The following ARFGEF3 variants were observed in gnomAD, a reference collection of about 807,000 sequenced individuals.
The protein encoded by ARFGEF3 is ARFGEF family member 3.
Under a neutral mutation model 221.7 loss-of-function variants are expected in ARFGEF3, and 96 were observed. That is an observed-to-expected ratio of 0.43 (90% CI 0.37 to 0.51). The LOEUF is 0.51. ARFGEF3 is among the 20% of genes least tolerant of loss of function. The pLI is 0.00. For synonymous variants in ARFGEF3, 1,145 were observed against 1,126.8 expected, an observed-to-expected ratio of 1.02 and a Z score of -0.32; for missense variants, 2,410 against 2,789.9, an observed-to-expected ratio of 0.86 and a Z score of 3.07.
In ARFGEF3 at chr6:138,321,132, T is replaced by C. The variant is rs1437185292; in HGVS notation, c.4673T>C (p.Ile1558Thr). ...LHSDIRYESM[I>T]NTMLKDLFEL... ...ATAGATATCAGGTACGAGAGCATGA[T>C]CAATACCATGCTGAAGGACCTCTTT... The change falls in exon 29 of 34, where the codon ATC (isoleucine) becomes ACC (threonine). Residue 1558 changes from isoleucine to threonine, a missense_variant. By Grantham distance (89) the Ile-to-Thr change is moderately conservative. Around this residue, in one of 5 missense-constraint regions of ARFGEF3, gnomAD observed 723 missense variants for 991.9 expected, o/e 0.73. Transcript: ENST00000251691. 6.4e-7 allele frequency: 1 copy of C among 1,560,664 alleles called. No individual in the cohort carries two copies. Among genetic ancestry groups the C allele is most frequent in the Admixed American group, 1.9e-5 (1 of 52,426 alleles).
intron 32 of ARFGEF3, among the ~76,000 whole-genome samples, chr6:138,330,009 GT>G (rs1223134220): frequency 6.6e-6 from 1 of 152,222 alleles, no homozygotes; most frequent in African/African-American, 2.4e-5. Flanking sequence ...AGGAGTGGGG[GT>G]CACAAGGTGC....
chr6:138,329,770 C>A (rs545270404), intron 32 of ARFGEF3, among the ~76,000 whole-genome samples: 1 of 152,232 alleles, frequency 6.6e-6, no homozygotes, highest in Non-Finnish European at 1.5e-5. Context: ...TGTGTCCCCC[C>A]ACATTGATGT....
Position 138,291,836 on chromosome 6 carries a change from G to A in ARFGEF3, c.3151G>A (p.Gly1051Ser), listed in dbSNP as rs199822410. The A allele has an allele frequency of 2.7e-6, 4 of 1,497,670 alleles. No individual in the cohort carries two copies. The highest frequency in any genetic ancestry group is 2.7e-5 in the East Asian group (1 of 37,732). The allele number at this position is 1,497,670 out of a possible 1,614,324, so 92.8% of individuals were successfully genotyped here. A position where few individuals can be genotyped will look rare whatever the true frequency, so the allele number is the denominator to read the frequency against. Residue 1051 changes from glycine (G) to serine (S), a missense_variant, in exon 19 of 34, where the codon GGC (glycine) becomes AGC (serine). By Grantham distance (56) the Gly-to-Ser change is moderately conservative (BLOSUM62 0). Coordinates refer to ENST00000251691, the MANE Select transcript of ARFGEF3 (RefSeq NM_020340.5). This position sits in a 1 kb window ranked among gnomAD's most constrained non-coding sequence, Gnocchi z 4.5. ...SQPQKATGSA[G>S]LLGDPECEGS... Reference sequence around the variant, plus strand: ...GCCCCAGAAGGCCACTGGAAGCGCTGGCCTCCTTGGGGACCCCGAGTGTGA... The same window carrying A: ...GCCCCAGAAGGCCACTGGAAGCGCTAGCCTCCTTGGGGACCCCGAGTGTGA...
chr6:138,255,317 A>C lies in ARFGEF3; in HGVS notation c.771-119A>C. ...CTTAGAAAACAGGCAAAATGTAGCC[A>C]AAAGAAGAAGAAGTAAAGAGCCGCA... On this transcript the variant is annotated intron_variant, in intron 9 of 33. Transcript: ENST00000251691. 4.4e-6 allele frequency: 3 copies of C among 676,646 alleles called. No homozygotes were observed. In the East Asian group the frequency reaches 8.3e-5, roughly 19 times the overall value. 41.9% of individuals were successfully genotyped at this position (676,646 alleles called of 1,614,324 possible). A position where few individuals can be genotyped will look rare whatever the true frequency, so the allele number is the denominator to read the frequency against.
intron 4 of ARFGEF3, among the ~76,000 whole-genome samples, chr6:138,226,144 A>G (rs1408122521): frequency 6.6e-6 from 1 of 152,190 alleles, no homozygotes; most frequent in Non-Finnish European, 1.5e-5. Context: ...GATCATGACC[A>G]GGACATGTCC....
At chr6:138,265,800 CTCTTT>C (rs1778881679) in intron 12 of ARFGEF3, among the ~76,000 whole-genome samples, 1 of 152,110 alleles carries the variant, frequency 6.6e-6, no homozygotes, top group Non-Finnish European at 1.5e-5. Flanking sequence ...CGGTCTCTCT[CTCTTT>C]TATTTTGTAA....
intron 17 of ARFGEF3, among the ~76,000 whole-genome samples, chr6:138,287,947 C>G (rs1034779498): frequency 1.3e-5 from 2 of 151,996 alleles, no homozygotes; most frequent in Admixed American, 6.6e-5. Context: ...TCACAGATCC[C>G]CAGCGTTAAC....
At chr6:138,210,163 G>T in intron 4 of ARFGEF3, 122 bp downstream of exon 4, 1 of 947,258 alleles carries the variant, frequency 1.1e-6, no homozygotes, top group African/African-American at 1.6e-5. Context: ...ATTTGGAACG[G>T]ATGCTTGTTA....
chr6:138,250,696 C>T (rs1009858665), intron 8 of ARFGEF3, among the ~76,000 whole-genome samples: 6 of 152,218 alleles, frequency 3.9e-5, no homozygotes, highest in South Asian at 2.1e-4. Flanking sequence ...TCACGGCCTG[C>T]GGGTCCACGC....
chr6:138,252,749 C>T (rs1443230269), intron 8 of ARFGEF3, among the ~76,000 whole-genome samples: 1 of 152,144 alleles, frequency 6.6e-6, no homozygotes, highest in Non-Finnish European at 1.5e-5. Flanking sequence ...TTTCCTTTTT[C>T]TGAGTATTCC....
chr6:138,171,689 T>C (rs1046377782), intron 2 of ARFGEF3, among the ~76,000 whole-genome samples: 5 of 152,190 alleles, frequency 3.3e-5, no homozygotes, highest in African/African-American at 1.2e-4. Flanking sequence ...ATAGATTTTC[T>C]TAAATGTCTT....
At position 138,162,066 on chromosome 6, in the gene ARFGEF3, C is replaced by T. The variant is rs774585336; in HGVS notation, c.-21C>T. 3.1e-5 allele frequency: 48 copies of T among 1,562,192 alleles called. No individual in the cohort carries two copies. The Admixed American group carries it at 8.4e-4, about 27-fold the overall frequency. On this transcript the variant is annotated 5_prime_UTR_variant, in exon 1 of 34. Transcript: ENST00000251691. The surrounding 1 kb of genome is among the most constrained non-coding windows in gnomAD (Gnocchi z 4.7). ...GCGCTTCTCTCCCTGTGGGCGGCGG[C>T]CCGGCGCCTGGAAGGTCAAGATGGA... is the stretch of plus-strand genomic sequence containing the variant.
intron 8 of ARFGEF3, among the ~76,000 whole-genome samples, chr6:138,247,323 C>T (rs565505993): frequency 5.9e-5 from 9 of 152,298 alleles, no homozygotes; most frequent in Non-Finnish European, 1.3e-4. Context: ...TGTAAGGCCC[C>T]TATGCCACCT....
intron 12 of ARFGEF3, among the ~76,000 whole-genome samples, chr6:138,265,275 G>A (rs540081398): frequency 6.6e-6 from 1 of 152,180 alleles, no homozygotes; most frequent in East Asian, 1.9e-4. Context: ...TTTTACTCCA[G>A]AAATTTTCAC....
chr6:138,205,105 A>G (rs1014004500), intron 2 of ARFGEF3, among the ~76,000 whole-genome samples: 1 of 152,254 alleles, frequency 6.6e-6, no homozygotes, highest in African/African-American at 2.4e-5. Context: ...AGTAATATAG[A>G]TAGGCGAACA....
Position 138,263,555 on chromosome 6 carries a change from C to G in ARFGEF3, c.2072C>G (p.Ser691Cys). 1 of 1,612,684 alleles carries G rather than the reference C, an allele frequency of 6.2e-7. No homozygotes were observed. The highest frequency in any genetic ancestry group is 1.3e-5 in the African/African-American group (1 of 75,052). Residue 691 changes from serine to cysteine, a missense_variant, in exon 12 of 34, where the codon TCC (serine) becomes TGC (cysteine). Ser to Cys is a moderately radical substitution (Grantham distance 112, BLOSUM62 -1). This residue lies in a region of ARFGEF3 where 594 missense variants were observed against 734.3 expected (regional missense o/e 0.81). Coordinates refer to ENST00000251691, the MANE Select transcript of ARFGEF3 (RefSeq NM_020340.5). ...CTCCTCCCTCGGCTCCTGTCTCTCT[C>G]CAATGTAGAGGAGGTGGACACCGCT... The part of the protein sequence containing the change: ...EGLLPRLLSL[S>C]NVEEVDTALQ...
Position 138,319,805 on chromosome 6 carries a change from C to T in ARFGEF3, c.4577C>T (p.Ser1526Phe). 1 of 1,613,994 alleles carries T rather than the reference C, an allele frequency of 6.2e-7. No individual in the cohort carries two copies. Among genetic ancestry groups the T allele is most frequent in the Non-Finnish European group, 8.5e-7 (1 of 1,179,860 alleles). Reference protein sequence around the residue: ...HKDHSYWDMASANFKHAIGLS... With the variant: ...HKDHSYWDMAFANFKHAIGLS... ...GACCATTCCTACTGGGATATGGCCT[C>T]TGCCAATTTCAAGCACGCTATTGGT... is the stretch of plus-strand genomic sequence containing the variant. The change falls in exon 28 of 34, where the codon TCT becomes TTT. Residue 1526 changes from serine (S) to phenylalanine (F), a missense_variant. Transcript: ENST00000251691.
chr6:138,192,937 C>CT (rs950215934), intron 2 of ARFGEF3, among the ~76,000 whole-genome samples: 1 of 152,048 alleles, frequency 6.6e-6, no homozygotes, highest in Non-Finnish European at 1.5e-5. Flanking sequence ...AGTCTGTTTT[C>CT]TATCCATTTG....
intron 4 of ARFGEF3, among the ~76,000 whole-genome samples, chr6:138,228,049 C>T (rs1778119753): frequency 6.6e-6 from 1 of 152,172 alleles, no homozygotes; most frequent in Non-Finnish European, 1.5e-5. Flanking sequence ...GCTTTCATCC[C>T]TCCCTACCTA....
Sources: gnomAD v4.1 joint callset for allele counts (sites outside exome capture counted in the v4.1 genomes callset) on GRCh38, gnomAD v4.1.1 for gene constraint, gnomAD v4.1.1 regional missense constraint, Gnocchi (gnomAD v3.1) non-coding constraint, MANE v1.5 for transcripts, NCBI Gene and HGNC (gene_info 2026-07-23, HGNC 2026-07-21) for gene names.